The following NEGR1 variants were observed in gnomAD, a reference collection of about 807,000 sequenced individuals.
NEGR1 encodes the protein neuronal growth regulator 1.
A neutral mutation model predicts 40.9 loss-of-function variants in NEGR1; 10 were observed. The observed-to-expected ratio is 0.24, with a 90% CI of 0.15 to 0.42. The LOEUF (loss-of-function observed/expected upper bound fraction) is 0.42. NEGR1 is among the 10% of genes least tolerant of loss of function. The pLI is 1.00. For missense variants in NEGR1, 352 were observed against 438.9 expected (o/e 0.80, Z 1.77); for synonymous variants, 185 against 166.8 (o/e 1.11, Z -0.84).
chr1:72,205,465 A>G (rs1249916208), intron 1 of NEGR1, among the ~76,000 whole-genome samples: 1 of 151,492 alleles, frequency 6.6e-6, no homozygotes, highest in Non-Finnish European at 1.5e-5. Flanking sequence ...ATTCAAGCCT[A>G]CCTATATTTA....
chr1:72,169,646 G>A (rs570428828), intron 1 of NEGR1, among the ~76,000 whole-genome samples: 3 of 152,122 alleles, frequency 2.0e-5, no homozygotes, highest in Non-Finnish European at 4.4e-5. Flanking sequence ...TGCAAATAGT[G>A]CTTTTTCTGA....
chr1:71,954,886 T>C lies in NEGR1; in HGVS notation c.177-19575A>G, dbSNP rs187139524. Among the ~76,000 whole-genome samples, 33 of 152,290 alleles carry C rather than the reference T, an allele frequency of 2.2e-4. No individual in the cohort carries two copies. In the East Asian group the frequency reaches 4.0e-3, roughly 19 times the overall value. On this transcript the variant is annotated intron_variant, in intron 1 of 6. Coordinates refer to ENST00000357731, the MANE Select transcript of NEGR1 (RefSeq NM_173808.3). ...AATTACCATCATCATTGCCATCATT[T>C]ATTTTATGAAAATGTATATGGTGAT... is the stretch of plus-strand genomic sequence containing the variant.
chr1:72,238,001 T>C (rs1426628542), intron 1 of NEGR1, among the ~76,000 whole-genome samples: 1 of 151,978 alleles, frequency 6.6e-6, no homozygotes, highest in Non-Finnish European at 1.5e-5. Flanking sequence ...TACTTCTTTC[T>C]TTCCCTCCCA....
intron 2 of NEGR1, among the ~76,000 whole-genome samples, chr1:71,847,393 C>T (rs1293564862): frequency 1.3e-5 from 2 of 152,098 alleles, no homozygotes; most frequent in African/African-American, 2.4e-5. Context: ...CTGTGTCCAG[C>T]GAGTCTATCA....
At chr1:71,841,541 TC>T (rs1659238177) in intron 2 of NEGR1, among the ~76,000 whole-genome samples, 1 of 152,052 alleles carries the variant, frequency 6.6e-6, no homozygotes, top group Non-Finnish European at 1.5e-5. Flanking sequence ...TACATATTTG[TC>T]CCCCACTGGG....
At chr1:71,954,882 C>A (rs535069485) in intron 1 of NEGR1, among the ~76,000 whole-genome samples, 4 of 152,126 alleles carry the variant, frequency 2.6e-5, no homozygotes, top group South Asian at 2.1e-4. Flanking sequence ...TCATTGCCAT[C>A]ATTTATTTTA....
intron 1 of NEGR1, among the ~76,000 whole-genome samples, chr1:72,026,279 A>G (rs553731200): frequency 6.6e-6 from 1 of 152,074 alleles, no homozygotes; most frequent in East Asian, 1.9e-4. Context: ...CAAAATTTAG[A>G]CTGGGTGACT....
intron 2 of NEGR1, among the ~76,000 whole-genome samples, chr1:71,811,936 T>C (rs755388812): frequency 9.9e-5 from 15 of 151,670 alleles, no homozygotes; most frequent in Non-Finnish European, 1.6e-4. Flanking sequence ...GTGCATGGCA[T>C]GCAGGTTTAG....
At chr1:72,176,903 A>T (rs568625942) in intron 1 of NEGR1, among the ~76,000 whole-genome samples, 1 of 151,864 alleles carries the variant, frequency 6.6e-6, no homozygotes, top group Non-Finnish European at 1.5e-5. Context: ...TTTCAGTGGA[A>T]AAGGAATCAA....
intron 1 of NEGR1, among the ~76,000 whole-genome samples, chr1:71,977,149 C>A (rs1372706253): frequency 6.6e-6 from 1 of 151,950 alleles, no homozygotes; most frequent in Non-Finnish European, 1.5e-5. Flanking sequence ...ATGGTGAAAC[C>A]CTGTCTCCAC....
intron 6 of NEGR1, among the ~76,000 whole-genome samples, chr1:71,586,089 C>G (rs947503857): frequency 6.6e-6 from 1 of 152,110 alleles, no homozygotes; most frequent in Non-Finnish European, 1.5e-5. Flanking sequence ...ATCTACAATC[C>G]TTCATGAAGG....
chr1:71,649,824 T>A (rs1651652436), intron 4 of NEGR1, among the ~76,000 whole-genome samples: 1 of 152,146 alleles, frequency 6.6e-6, no homozygotes, highest in South Asian at 2.1e-4. Context: ...AGTCTGCAGC[T>A]TCATTCCTGT....
intron 4 of NEGR1, among the ~76,000 whole-genome samples, chr1:71,624,497 T>C (rs571972559): frequency 6.6e-6 from 1 of 152,004 alleles, no homozygotes; most frequent in Non-Finnish European, 1.5e-5. Flanking sequence ...TTCATTACAA[T>C]GGTTTATAAG....
At chr1:72,184,433 G>GA (rs1430308567) in intron 1 of NEGR1, among the ~76,000 whole-genome samples, 6 of 151,982 alleles carry the variant, frequency 3.9e-5, no homozygotes, top group African/African-American at 7.2e-5. Flanking sequence ...CTTTTCACAG[G>GA]AAAAAACAAA....
chr1:72,282,373 G>A lies in NEGR1; in HGVS notation c.122C>T (p.Pro41Leu), dbSNP rs756289443. 1.9e-6 allele frequency: 3 copies of A among 1,613,904 alleles called. No homozygotes were observed. The highest frequency in any genetic ancestry group is 2.5e-6 in the Non-Finnish European group (3 of 1,179,936). Reference protein sequence around the residue: ...CLPAGQSVDFPWAAVDNMMVR... With the variant: ...CLPAGQSVDFLWAAVDNMMVR... ...CATCATGTTGTCCACGGCCGCCCAG[G>A]GGAAGTCCACACTCTGTCCAGCCGG... is the stretch of plus-strand genomic sequence containing the variant. Residue 41 changes from proline to leucine, a missense_variant, in exon 1 of 7, where the codon CCC (proline) becomes CTC (leucine). Physicochemically the swap from Pro to Leu is moderately conservative, Grantham distance 98. Around this residue, in one of 5 missense-constraint regions of NEGR1, gnomAD observed 81 missense variants for 85.8 expected, o/e 0.94. Coordinates refer to ENST00000357731, the MANE Select transcript of NEGR1 (RefSeq NM_173808.3).
At chr1:72,228,275 C>T (rs1047069844) in intron 1 of NEGR1, among the ~76,000 whole-genome samples, 2 of 152,138 alleles carry the variant, frequency 1.3e-5, no homozygotes, top group Admixed American at 6.6e-5. Context: ...GGCATCAGCC[C>T]ATCTGTTTGA....
chr1:72,048,719 C>G (rs1647026557), intron 1 of NEGR1, among the ~76,000 whole-genome samples: 1 of 151,498 alleles, frequency 6.6e-6, no homozygotes, highest in South Asian at 2.1e-4. Flanking sequence ...GGTGATTAAT[C>G]CTATATCATC....
chr1:71,585,797 T>C (rs1649288476), intron 6 of NEGR1, among the ~76,000 whole-genome samples: 1 of 151,520 alleles, frequency 6.6e-6, no homozygotes, highest in South Asian at 2.1e-4. Context: ...ATATACATAG[T>C]GCATTAACAA....
intron 4 of NEGR1, among the ~76,000 whole-genome samples, chr1:71,619,822 T>A (rs1650555255): frequency 6.6e-6 from 1 of 152,062 alleles, no homozygotes; most frequent in African/African-American, 2.4e-5. Flanking sequence ...TTCATCCAAA[T>A]CTCCAGGCTC....
Sources: gnomAD v4.1 joint callset for allele counts (sites outside exome capture counted in the v4.1 genomes callset) on GRCh38, gnomAD v4.1.1 for gene constraint, gnomAD v4.1.1 regional missense constraint, MANE v1.5 for transcripts, NCBI Gene and HGNC (gene_info 2026-07-23, HGNC 2026-07-21) for gene names.